The following ATP13A1 variants were observed in gnomAD, a reference collection of about 807,000 sequenced individuals.
The protein encoded by ATP13A1 is ATPase 13A1.
In ATP13A1, 55 loss-of-function variants were observed where a neutral mutation model predicts 134.8. The ratio of observed to expected loss-of-function variants is 0.41; its 90% CI spans 0.33 to 0.51. The LOEUF is 0.51. ATP13A1 is among the 20% of genes least tolerant of loss of function. ATP13A1 has a pLI of 0.29. For synonymous variants in ATP13A1, 775 were observed against 725.1 expected (o/e 1.07, Z -1.10); for missense variants, 1,389 against 1,652.8 (o/e 0.84, Z 2.77).
At chr19:19,646,949 A>AG in intron 22 of ATP13A1, 180 bp downstream of exon 22, 2 of 661,900 alleles carry the variant, frequency 3.0e-6, no homozygotes, top group Admixed American at 6.0e-5. Context: ...TACCACCTGG[A>AG]GGGGTCTGGG....
chr19:19,647,067 T>C lies in ATP13A1; in HGVS notation c.3105+62A>G, dbSNP rs2061991092. The C allele has an allele frequency of 1.3e-6, 2 of 1,513,704 alleles. No homozygotes were observed. Among genetic ancestry groups the C allele is most frequent in the Admixed American group, 4.0e-5 (2 of 49,758 alleles). 93.8% of individuals were successfully genotyped at this position (1,513,704 alleles called of 1,614,324 possible). A position where few individuals can be genotyped will look rare whatever the true frequency, so the allele number is the denominator to read the frequency against. On this transcript the variant is annotated intron_variant, in intron 22 of 25. Transcript: ENST00000357324. The surrounding 1 kb of genome is among the most constrained non-coding windows in gnomAD (Gnocchi z 4.8). Reference sequence around the variant, plus strand: ...ACTTGGGGATGACAATTCCCGTGCCTATATCAGCCTGGCCCTGGCAGGCCC... The same window carrying C: ...ACTTGGGGATGACAATTCCCGTGCCCATATCAGCCTGGCCCTGGCAGGCCC...
chr19:19,651,558 G>C (rs1181404280), intron 17 of ATP13A1, 131 bp downstream of exon 17: 1 of 649,432 alleles, frequency 1.5e-6, no homozygotes, highest in Non-Finnish European at 2.5e-6. Flanking sequence ...GGCCAGGGCT[G>C]TGATTAGTGG....
intron 19 of ATP13A1, 111 bp downstream of exon 19, chr19:19,649,456 G>A: frequency 8.7e-7 from 1 of 1,152,680 alleles, no homozygotes; most frequent in Middle Eastern, 1.9e-4. Context: ...CATCCTCACA[G>A]GAATTAGTGC....
At chr19:19,659,843 C>A (rs1185093306) in intron 2 of ATP13A1, 52 bp from the exon 3 acceptor site, 1 of 1,596,930 alleles carries the variant, frequency 6.3e-7, no homozygotes, top group Non-Finnish European at 8.5e-7. Flanking sequence ...GGGGTGTCAG[C>A]GCCTGGGAAT....
intron 3 of ATP13A1, 86 bp downstream of exon 3, chr19:19,659,515 G>T: frequency 1.2e-6 from 1 of 843,302 alleles, no homozygotes; most frequent in South Asian, 3.5e-5. Context: ...AAGGGCAGAT[G>T]CCTCTGTCCC....
At position 19,645,982 on chromosome 19, in the gene ATP13A1, C is replaced by T. The variant is rs1421797881; in HGVS notation, c.3252G>A (p.Gln1084=). ...CCTTGTACAAGTCCACGAACTGCTC[C>T]TGCCTGCAAGGACACATGGGAGTCA... ...REAQARSPEK[Q]EQFVDLYKEF... Residue 1084 remains glutamine, a synonymous_variant, in exon 24 of 26, where the codon CAG becomes CAA. Transcript: ENST00000357324. The surrounding 1 kb of genome is among the most constrained non-coding windows in gnomAD (Gnocchi z 4.1). 1 of 1,611,628 alleles carries T rather than the reference C, an allele frequency of 6.2e-7. No homozygotes were observed. The highest frequency in any genetic ancestry group is 8.5e-7 in the Non-Finnish European group (1 of 1,179,842).
Position 19,655,352 on chromosome 19 carries a change from C to T in ATP13A1, c.1498G>A (p.Ala500Thr). Residue 500 changes from alanine to threonine, a missense_variant, in exon 11 of 26, where the codon GCC becomes ACC. By Grantham distance (58) the Ala-to-Thr change is moderately conservative (BLOSUM62 0). Transcript: ENST00000357324. This position sits in a 1 kb window ranked among gnomAD's most constrained non-coding sequence, Gnocchi z 5.7. ...PPELPIELSL[A>T]VNTSLIALAK... is the part of the protein sequence containing the mutation. ...AGGGCGATGAGGGAGGTGTTGACGG[C>T]CAGGGACAGCTCGATGGGCAGCTCA... is the stretch of plus-strand genomic sequence containing the variant. 1 of 1,613,934 alleles carries T rather than the reference C, an allele frequency of 6.2e-7. No individual in the cohort carries two copies. Among genetic ancestry groups the T allele is most frequent in the Non-Finnish European group, 8.5e-7 (1 of 1,179,880 alleles).
intron 22 of ATP13A1, chr19:19,646,737 C>T (rs952238705): frequency 1.3e-5 from 5 of 375,810 alleles, no homozygotes; most frequent in African/African-American, 6.1e-5. Flanking sequence ...AGTTCCTGGC[C>T]GCTGGCCCCC....
rs2061980450 is a variant in ATP13A1, at chr19:19,645,682, T to G, written c.3469A>C (p.Asn1157His). The G allele has an allele frequency of 6.3e-7, 1 of 1,575,756 alleles. No individual in the cohort carries two copies. Among genetic ancestry groups the G allele is most frequent in the South Asian group, 1.2e-5 (1 of 86,400 alleles). The change falls in exon 25 of 26, where the codon AAC becomes CAC. Residue 1157 changes from asparagine (N) to histidine (H), a missense_variant. This residue lies in a region of ATP13A1 where 228 missense variants were observed against 321.0 expected (regional missense o/e 0.71). Transcript: ENST00000357324. This position sits in a 1 kb window ranked among gnomAD's most constrained non-coding sequence, Gnocchi z 4.1. ...ATGTCCACGAGGCCAAACTGGCTGTTGAAGTCGGGCGAGGAGCCGAGGAGC... is the reference window on the plus strand; with the variant it reads ...ATGTCCACGAGGCCAAACTGGCTGTGGAAGTCGGGCGAGGAGCCGAGGAGC... ...GLLLGSSPDF[N>H]SQFGLVDIPV...
intron 1 of ATP13A1, 46 bp downstream of exon 1, chr19:19,663,225 C>T (rs754334818): frequency 2.6e-6 from 4 of 1,555,178 alleles, no homozygotes; most frequent in East Asian, 2.4e-5. Context: ...GGACCCACGG[C>T]GAGGCTCGAC....
At chr19:19,657,743 A>G (rs2062068795) in intron 3 of ATP13A1, among the ~76,000 whole-genome samples, 2 of 152,236 alleles carry the variant, frequency 1.3e-5, no homozygotes. Flanking sequence ...TGACACAGCA[A>G]GTAGAGAAGG....
At chr19:19,660,041 A>G in intron 1 of ATP13A1, 54 bp from the exon 2 acceptor site, 3 of 1,503,190 alleles carry the variant, frequency 2.0e-6, no homozygotes, top group Non-Finnish European at 2.7e-6. Flanking sequence ...CTACAGTTCC[A>G]AGACCCCCCC....
At position 19,653,886 on chromosome 19, in the gene ATP13A1, C is replaced by T. The variant is rs759710123; in HGVS notation, c.1998G>A (p.Gln666=). The change falls in exon 15 of 26, where the codon CAG becomes CAA. Residue 666 remains glutamine, a synonymous_variant. Coordinates refer to ENST00000357324, the MANE Select transcript of ATP13A1 (RefSeq NM_020410.3). This position sits in a 1 kb window ranked among gnomAD's most constrained non-coding sequence, Gnocchi z 4.2. ...APETLHSMFS[Q]CPPDYHHIHT... ...GGATGTGGTGGTAGTCGGGCGGGCA[C>T]TGGGAGAACTGCAGGGAATGCAGGG... is the stretch of plus-strand genomic sequence containing the variant. The T allele has an allele frequency of 1.3e-6, 2 of 1,567,342 alleles. No homozygotes were observed. The highest frequency in any genetic ancestry group is 1.7e-4 in the Middle Eastern group (1 of 5,994).
intron 1 of ATP13A1, 25 bp from the exon 2 acceptor site, chr19:19,660,012 T>C (rs1274129748): frequency 6.5e-7 from 1 of 1,545,270 alleles, no homozygotes; most frequent in African/African-American, 1.4e-5. Flanking sequence ...GAAAGCATTG[T>C]GGCTTAGCTC....
In ATP13A1 at chr19:19,655,570, G is replaced by A. The variant is rs778267702; in HGVS notation, c.1354C>T (p.Leu452=). 11 of 1,613,898 alleles carry A rather than the reference G, an allele frequency of 6.8e-6. No homozygotes were observed. In the African/African-American group the frequency reaches 1.1e-4, roughly 16 times the overall value. Residue 452 remains leucine (L), a synonymous_variant, in exon 10 of 26, where the codon CTG becomes TTG. Coordinates refer to ENST00000357324, the MANE Select transcript of ATP13A1 (RefSeq NM_020410.3). The surrounding 1 kb of genome is among the most constrained non-coding windows in gnomAD (Gnocchi z 5.7). ...GCAGCTGCAGCGATGGCAAACACCA[G>A]GAGGAAGAGGATGAAGATGAAGGTC... The part of the protein sequence containing the change: ...LETFIFILFL[L]VFAIAAAAYV...
Position 19,653,897 on chromosome 19 carries a change from G to A in ATP13A1, c.1990-3C>T. 6.4e-7 allele frequency: 1 copy of A among 1,566,584 alleles called. No individual in the cohort carries two copies. The stretch of plus-strand genomic sequence containing the variant: ...TAGTCGGGCGGGCACTGGGAGAACT[G>A]CAGGGAATGCAGGGGGATGTCACGG... On this transcript the variant is annotated splice_polypyrimidine_tract_variant and splice_region_variant and intron_variant, in intron 14 of 25. Coordinates refer to ENST00000357324, the MANE Select transcript of ATP13A1 (RefSeq NM_020410.3). The surrounding 1 kb of genome is among the most constrained non-coding windows in gnomAD (Gnocchi z 4.2).
In ATP13A1 at chr19:19,657,211, C is replaced by A. The variant is rs1442978269; in HGVS notation, c.751-62G>T. Reference sequence around the variant, plus strand: ...GCCCTGTTCCCATGAGCCCCTTCCACCCACCGGATCTGATATGTGAGGGTG... The same window carrying A: ...GCCCTGTTCCCATGAGCCCCTTCCAACCACCGGATCTGATATGTGAGGGTG... On this transcript the variant is annotated intron_variant, in intron 4 of 25. Coordinates refer to ENST00000357324, the MANE Select transcript of ATP13A1 (RefSeq NM_020410.3). 3 of 1,481,216 alleles carry A rather than the reference C, an allele frequency of 2.0e-6. No homozygotes were observed. In the Admixed American group the frequency reaches 7.4e-5, roughly 36 times the overall value. 91.8% of individuals were successfully genotyped at this position (1,481,216 alleles called of 1,614,324 possible).
At chr19:19,649,471 G>A (rs1414750844) in intron 19 of ATP13A1, 96 bp downstream of exon 19, 12 of 1,292,464 alleles carry the variant, frequency 9.3e-6, no homozygotes, top group Admixed American at 2.0e-5. Flanking sequence ...TAGTGCCCCC[G>A]TGGCTGTCAC....
rs759903557 is a variant in ATP13A1, at chr19:19,655,093, T to C, written c.1655+26A>G. On this transcript the variant is annotated intron_variant, in intron 12 of 25. Coordinates refer to ENST00000357324, the MANE Select transcript of ATP13A1 (RefSeq NM_020410.3). This position sits in a 1 kb window ranked among gnomAD's most constrained non-coding sequence, Gnocchi z 5.7. ...TCCCAGAAACCCCATCTGGGTGACC[T>C]TTGCTGCAGGGCCCCTGATGCTTAC... is the stretch of plus-strand genomic sequence containing the variant. The C allele has an allele frequency of 6.2e-7, 1 of 1,612,622 alleles. No individual in the cohort carries two copies. The highest frequency in any genetic ancestry group is 1.1e-5 in the South Asian group (1 of 90,890).
Sources: gnomAD v4.1 joint callset for allele counts (sites outside exome capture counted in the v4.1 genomes callset) on GRCh38, gnomAD v4.1.1 for gene constraint, gnomAD v4.1.1 regional missense constraint, Gnocchi (gnomAD v3.1) non-coding constraint, MANE v1.5 for transcripts, NCBI Gene and HGNC (gene_info 2026-07-23, HGNC 2026-07-21) for gene names.